The following NCOA2 variants were observed in gnomAD, a reference collection of about 807,000 sequenced individuals.
The protein encoded by NCOA2 is class E basic helix-loop-helix protein 75.
NCOA2 carries 21 observed loss-of-function variants against 145.1 expected under a neutral mutation model. That is an observed-to-expected ratio of 0.14 (90% CI 0.10 to 0.21). The LOEUF is 0.21. Ranked by LOEUF, NCOA2 falls within the 10% of genes least tolerant of loss-of-function variation. NCOA2 has a pLI of 1.00. For missense variants in NCOA2, 1,472 were observed against 1,837.6 expected, an observed-to-expected ratio of 0.80 and a Z score of 3.64; for synonymous variants, 619 against 637.5, an observed-to-expected ratio of 0.97 and a Z score of 0.44.
intron 1 of NCOA2, among the ~76,000 whole-genome samples, chr8:70,356,251 G>A (rs1421240983): frequency 1.3e-5 from 2 of 152,188 alleles, no homozygotes; most frequent in Non-Finnish European, 2.9e-5. Context: ...GAGTCCAGGA[G>A]TTCAAGACCA....
In NCOA2 at chr8:70,131,968, A is replaced by G; in HGVS notation, c.3193T>C (p.Cys1065Arg). 6.2e-7 allele frequency: 1 copy of G among 1,612,522 alleles called. No individual in the cohort carries two copies. The highest frequency in any genetic ancestry group is 8.5e-7 in the Non-Finnish European group (1 of 1,179,358). Reference protein sequence around the residue: ...PFGSSPDDLLCPHPAAESPSD... With the variant: ...PFGSSPDDLLRPHPAAESPSD... ...GGAGACTCAGCTGCAGGATGTGGAC[A>G]TAGCAAGTCATCTGGAGAACTGCCA... The change falls in exon 16 of 23, where the codon TGT (cysteine) becomes CGT (arginine). Residue 1065 changes from cysteine to arginine, a missense_variant. By Grantham distance (180) the Cys-to-Arg change is radical. Around this residue, in one of 4 missense-constraint regions of NCOA2, gnomAD observed 953 missense variants for 1,062.1 expected, o/e 0.90. Transcript: ENST00000452400.
At chr8:70,258,669 C>T (rs2134977886) in intron 2 of NCOA2, among the ~76,000 whole-genome samples, 1 of 152,268 alleles carries the variant, frequency 6.6e-6, no homozygotes, top group South Asian at 2.1e-4. Flanking sequence ...TCTTTCTCTT[C>T]AGTAACCCCA....
intron 2 of NCOA2, among the ~76,000 whole-genome samples, chr8:70,254,569 T>C (rs1823476747): frequency 6.6e-6 from 1 of 151,992 alleles, no homozygotes; most frequent in Admixed American, 6.6e-5. Flanking sequence ...AAACGAACCT[T>C]GAAGATTATG....
At chr8:70,262,108 A>G (rs553226074) in intron 2 of NCOA2, among the ~76,000 whole-genome samples, 64 of 152,268 alleles carry the variant, frequency 4.2e-4, no homozygotes, top group Non-Finnish European at 8.2e-4. Context: ...CTCAATATCA[A>G]AGCTTCAAAT....
chr8:70,255,191 C>T (rs1823534327), intron 2 of NCOA2, among the ~76,000 whole-genome samples: 1 of 152,248 alleles, frequency 6.6e-6, no homozygotes, highest in Non-Finnish European at 1.5e-5. Context: ...TTGGAACCCC[C>T]GAGTCTGTCA....
chr8:70,391,525 T>C (rs1813207680), intron 1 of NCOA2, among the ~76,000 whole-genome samples: 1 of 152,234 alleles, frequency 6.6e-6, no homozygotes, highest in African/African-American at 2.4e-5. Flanking sequence ...GATGCCATCA[T>C]TTCAAGCAAT....
At chr8:70,275,133 C>A (rs1276550225) in intron 2 of NCOA2, among the ~76,000 whole-genome samples, 1 of 152,168 alleles carries the variant, frequency 6.6e-6, no homozygotes, top group Non-Finnish European at 1.5e-5. Context: ...TTCCAAAAAT[C>A]AAAATAAGTA....
intron 4 of NCOA2, among the ~76,000 whole-genome samples, chr8:70,184,418 C>G (rs571103388): frequency 3.8e-4 from 58 of 152,294 alleles, no homozygotes; most frequent in African/African-American, 1.3e-3. Context: ...TCACATTTGC[C>G]TGGGGAGCCA....
intron 1 of NCOA2, among the ~76,000 whole-genome samples, chr8:70,314,362 T>C (rs146532407): frequency 2.0e-5 from 3 of 152,140 alleles, no homozygotes; most frequent in African/African-American, 7.2e-5. Flanking sequence ...TAAAGTGACC[T>C]CTCTGCAAGT....
At chr8:70,302,243 A>C (rs1403218064) in intron 1 of NCOA2, among the ~76,000 whole-genome samples, 1 of 152,194 alleles carries the variant, frequency 6.6e-6, no homozygotes, top group African/African-American at 2.4e-5. Flanking sequence ...AAAATTCCAA[A>C]GTTTCACTGC....
chr8:70,323,694 T>C (rs139197533), intron 1 of NCOA2, among the ~76,000 whole-genome samples: 1 of 152,312 alleles, frequency 6.6e-6, no homozygotes, highest in East Asian at 1.9e-4. Context: ...GATTATAACA[T>C]TGTCTCACTC....
chr8:70,351,228 T>C (rs1276231083), intron 1 of NCOA2, among the ~76,000 whole-genome samples: 1 of 152,196 alleles, frequency 6.6e-6, no homozygotes, highest in Non-Finnish European at 1.5e-5. Flanking sequence ...ACGGTAAACA[T>C]ATACCGACAA....
intron 4 of NCOA2, among the ~76,000 whole-genome samples, chr8:70,199,470 A>G (rs1217490603): frequency 6.6e-6 from 1 of 151,000 alleles, no homozygotes; most frequent in East Asian, 1.9e-4. Flanking sequence ...AAAAAAAAAA[A>G]AGTAGAGAGG....
intron 1 of NCOA2, among the ~76,000 whole-genome samples, chr8:70,332,471 T>C (rs11780609): frequency 0.1 from 15,972 of 152,188 alleles, 1,281 homozygotes; most frequent in East Asian, 0.41. Context: ...TAATTCTAAA[T>C]AGGAAAATGG....
intron 2 of NCOA2, among the ~76,000 whole-genome samples, chr8:70,277,224 T>G (rs1040888761): frequency 1.3e-5 from 2 of 152,206 alleles, no homozygotes; most frequent in Admixed American, 6.5e-5. Context: ...TGTATAACAT[T>G]TCTGCAATAA....
chr8:70,330,772 A>AGGTT (rs1271375274), intron 1 of NCOA2, among the ~76,000 whole-genome samples: 1 of 152,218 alleles, frequency 6.6e-6, no homozygotes, highest in Non-Finnish European at 1.5e-5. Flanking sequence ...AGAAAAAGAC[A>AGGTT]GGTTATGCTT....
At chr8:70,160,660 AGAGAGAGAGAGAGAGAGAGAGG>A (rs1240443492) in intron 9 of NCOA2, among the ~76,000 whole-genome samples, 1 of 12,862 alleles carries the variant, frequency 7.8e-5, no homozygotes, top group Non-Finnish European at 2.4e-4. Flanking sequence ...AGTGAGAGAC[AGAGAGAGAGAGAGAGAGAGAGG>A]GAGAGAGAGA....
intron 1 of NCOA2, among the ~76,000 whole-genome samples, chr8:70,354,059 C>G (rs1809472467): frequency 6.6e-6 from 1 of 152,122 alleles, no homozygotes; most frequent in African/African-American, 2.4e-5. Flanking sequence ...AGGAACTACT[C>G]TCTTTATTTG....
chr8:70,430,848 A>G, the NCOA2 span, among the ~76,000 whole-genome samples: 1 of 152,256 alleles, frequency 6.6e-6, no homozygotes, highest in African/African-American at 2.4e-5. Context: ...AGATTCAAGA[A>G]TCCAGGAAAT....
Sources: gnomAD v4.1 joint callset for allele counts (sites outside exome capture counted in the v4.1 genomes callset) on GRCh38, gnomAD v4.1.1 for gene constraint, gnomAD v4.1.1 regional missense constraint, MANE v1.5 for transcripts, NCBI Gene and HGNC (gene_info 2026-07-23, HGNC 2026-07-21) for gene names.